SCN9A: variants seen among roughly 807,000 people sequenced by gnomAD.
SCN9A encodes sodium channel protein type 9 subunit alpha.
Under a neutral mutation model 187.0 loss-of-function variants are expected in SCN9A, and 131 were observed. That is an observed-to-expected ratio of 0.70 (90% CI 0.61 to 0.81). The LOEUF is 0.81. Ranked by LOEUF, SCN9A falls within the 30% of genes least tolerant of loss-of-function variation. The probability of loss-of-function intolerance (pLI) is 0.00; values close to 1 mark genes in which losing one functional copy is unlikely to be tolerated. For synonymous variants in SCN9A, 809 were observed against 808.6 expected (o/e 1.00, Z -0.01); for missense variants, 2,252 against 2,396.6 (o/e 0.94, Z 1.26).
intron 16 of SCN9A, among the ~76,000 whole-genome samples, chr2:166,273,371 T>C (rs1337135549): frequency 6.6e-6 from 1 of 152,162 alleles, no homozygotes; most frequent in Non-Finnish European, 1.5e-5. Flanking sequence ...TTCTAACAAA[T>C]GGAACACATA....
rs990801507 is a variant in SCN9A, at chr2:166,354,737, C to T, written c.-51+20960G>A. On this transcript the variant is annotated intron_variant, in intron 1 of 26. Transcript: ENST00000642356. Reference sequence around the variant, plus strand: ...TAGTTTATGCAGTTTGAAGCTTGTACGCAAATAACAGGGAGAAGCTATACT... The same window carrying T: ...TAGTTTATGCAGTTTGAAGCTTGTATGCAAATAACAGGGAGAAGCTATACT... Among the ~76,000 whole-genome samples the T allele has an allele frequency of 3.9e-5, 6 of 152,040 alleles. No individual in the cohort carries two copies. The East Asian group carries it at 5.8e-4, about 15-fold the overall frequency.
At chr2:166,271,441 A>G (rs1696979541) in intron 17 of SCN9A, among the ~76,000 whole-genome samples, 1 of 152,020 alleles carries the variant, frequency 6.6e-6, no homozygotes, top group Non-Finnish European at 1.5e-5. Flanking sequence ...GAGAGTGTTT[A>G]TGACCTAAAA....
chr2:166,262,228 T>A lies in SCN9A; in HGVS notation c.3351+10171A>T, dbSNP rs1443164326. On this transcript the variant is annotated intron_variant, in intron 17 of 26. Transcript: ENST00000642356. The stretch of plus-strand genomic sequence containing the variant: ...TAATTTGCATGAAAAAATAGACACA[T>A]TAATATATGCAAAAATAAATATACA... Among the ~76,000 whole-genome samples, 3 of 151,982 alleles carry A rather than the reference T, an allele frequency of 2.0e-5. No homozygotes were observed. In the East Asian group the frequency reaches 5.8e-4, roughly 30 times the overall value.
intron 17 of SCN9A, among the ~76,000 whole-genome samples, chr2:166,259,535 A>G (rs935327315): frequency 6.6e-6 from 1 of 151,780 alleles, no homozygotes; most frequent in African/African-American, 2.4e-5. Context: ...ACTATTTAAA[A>G]ATTGAATTTA....
At chr2:166,215,718 C>T (rs1431732270) in intron 24 of SCN9A, among the ~76,000 whole-genome samples, 2 of 143,744 alleles carry the variant, frequency 1.4e-5, no homozygotes, top group South Asian at 2.2e-4. Context: ...AGAAATATTA[C>T]ATCTGAACAA....
intron 26 of SCN9A, among the ~76,000 whole-genome samples, chr2:166,200,397 C>T (rs983225504): frequency 6.6e-6 from 1 of 152,080 alleles, no homozygotes; most frequent in Non-Finnish European, 1.5e-5. Context: ...CTCCTTTTTA[C>T]TAAGTTCATG....
At chr2:166,214,578 A>C (rs11681801) in intron 24 of SCN9A, among the ~76,000 whole-genome samples, 1 of 117,856 alleles carries the variant, frequency 8.5e-6, no homozygotes. Context: ...GCAGTGGCGC[A>C]ATCTCGGCTC....
chr2:166,233,037 A>G (rs1038657555), intron 21 of SCN9A, among the ~76,000 whole-genome samples: 9 of 147,228 alleles, frequency 6.1e-5, no homozygotes, highest in African/African-American at 2.5e-5. Context: ...CATATATACT[A>G]TTAGTATATG....
chr2:166,256,621 A>T (rs913506832), intron 17 of SCN9A, among the ~76,000 whole-genome samples: 11 of 151,396 alleles, frequency 7.3e-5, no homozygotes, highest in South Asian at 2.1e-4. Flanking sequence ...CTCTTTTTTT[A>T]AAAAAAGGGC....
chr2:166,358,011 G>T (rs6734919), intron 1 of SCN9A, among the ~76,000 whole-genome samples: 88,632 of 151,084 alleles, frequency 0.59, 27,628 homozygotes, highest in African/African-American at 0.8. Flanking sequence ...ATCTTTGTGA[G>T]CCTAATAAGT....
intron 24 of SCN9A, among the ~76,000 whole-genome samples, chr2:166,208,103 A>G (rs915307906): frequency 6.6e-6 from 1 of 152,206 alleles, no homozygotes; most frequent in African/African-American, 2.4e-5. Context: ...TTGTTTTCCT[A>G]TAGCTTATTT....
chr2:166,342,369 T>C (rs1174154042), intron 1 of SCN9A, among the ~76,000 whole-genome samples: 2 of 152,208 alleles, frequency 1.3e-5, no homozygotes, highest in South Asian at 2.1e-4. Context: ...ACCCCTTCAA[T>C]GTGCCAATGG....
At chr2:166,216,039 A>G (rs1694316715) in intron 24 of SCN9A, among the ~76,000 whole-genome samples, 1 of 152,132 alleles carries the variant, frequency 6.6e-6, no homozygotes, top group African/African-American at 2.4e-5. Flanking sequence ...ATCATTCACC[A>G]TGATTACTTG....
intron 17 of SCN9A, among the ~76,000 whole-genome samples, chr2:166,268,086 C>G (rs1696817866): frequency 6.6e-6 from 1 of 151,920 alleles, no homozygotes; most frequent in Admixed American, 6.6e-5. Context: ...TATAAGCACT[C>G]AATTCCATAC....
At chr2:166,275,475 T>C (rs578090055) in intron 16 of SCN9A, among the ~76,000 whole-genome samples, 1 of 151,718 alleles carries the variant, frequency 6.6e-6, no homozygotes, top group South Asian at 2.1e-4. Flanking sequence ...TCTCAGCTAC[T>C]CAGGAGGCTG....
chr2:166,332,343 TC>T (rs1364800087), intron 1 of SCN9A, among the ~76,000 whole-genome samples: 4 of 152,280 alleles, frequency 2.6e-5, no homozygotes, highest in Non-Finnish European at 5.9e-5. Context: ...CCCAACAACT[TC>T]CAATAAATCT....
At chr2:166,281,314 A>G (rs1697475761) in intron 13 of SCN9A, among the ~76,000 whole-genome samples, 1 of 152,142 alleles carries the variant, frequency 6.6e-6, no homozygotes, top group African/African-American at 2.4e-5. Context: ...AATTTGTAAG[A>G]TTATATAGTG....
chr2:166,293,092 A>G, intron 9 of SCN9A, 139 bp downstream of exon 9: 1 of 689,246 alleles, frequency 1.5e-6, no homozygotes, highest in Non-Finnish European at 2.4e-6. Context: ...TGGGAGTAAA[A>G]CACTTATAAT....
rs201300071 is a variant in SCN9A at position 166,195,468 on chromosome 2, C to T, written c.*3204G>A. 14 of 152,196 alleles carry T rather than the reference C, an allele frequency of 9.2e-5. No homozygotes were observed. The highest frequency in any genetic ancestry group is 2.4e-4 in the African/African-American group (10 of 41,528). 9.4% of individuals were successfully genotyped at this position (152,196 alleles called of 1,614,324 possible). On this transcript the variant is annotated 3_prime_UTR_variant, in exon 27 of 27. Transcript: ENST00000642356. ...TGGCCTTCATACATAGGTCCTAAAC[C>T]CAGGCCAATTCCCTGGCCATCCTAA...
Sources: gnomAD v4.1 joint callset for allele counts (sites outside exome capture counted in the v4.1 genomes callset) on GRCh38, gnomAD v4.1.1 for gene constraint, MANE v1.5 for transcripts, NCBI Gene and HGNC (gene_info 2026-07-23, HGNC 2026-07-21) for gene names.